SNX29: variants seen among roughly 807,000 people sequenced by gnomAD.
The protein encoded by SNX29 is sorting nexin-29.
Under a neutral mutation model 102.1 loss-of-function variants are expected in SNX29, and 78 were observed. The observed-to-expected ratio is 0.76, with a 90% CI of 0.64 to 0.92. The LOEUF (loss-of-function observed/expected upper bound fraction) is 0.92. Among genes scored for constraint, SNX29 ranks in the 40% least tolerant of loss-of-function variants. The pLI is 0.00. For missense variants in SNX29, 1,280 were observed against 1,061.7 expected (o/e 1.21, Z -2.86); for synonymous variants, 580 against 414.5 (o/e 1.40, Z -4.85).
chr16:12,387,152 G>C (rs2083369441), intron 16 of SNX29, among the ~76,000 whole-genome samples: 1 of 152,000 alleles, frequency 6.6e-6, no homozygotes, highest in South Asian at 2.1e-4. Flanking sequence ...AAAAGAGAGA[G>C]CCACACCTAG....
intron 20 of SNX29, among the ~76,000 whole-genome samples, chr16:12,551,130 T>C (rs1008484078): frequency 6.6e-6 from 1 of 152,076 alleles, no homozygotes; most frequent in Non-Finnish European, 1.5e-5. Flanking sequence ...GGAACAGTGG[T>C]CCACAGCTGC....
At chr16:12,220,133 G>A (rs537495513) in intron 14 of SNX29, among the ~76,000 whole-genome samples, 10 of 152,324 alleles carry the variant, frequency 6.6e-5, no homozygotes, top group Admixed American at 2.0e-4. Context: ...TCGCCACCGC[G>A]CTGTGAGTTG....
intron 15 of SNX29, among the ~76,000 whole-genome samples, chr16:12,286,149 T>G (rs1443177762): frequency 2.1e-5 from 3 of 142,012 alleles, no homozygotes; most frequent in South Asian, 4.4e-4. Flanking sequence ...GTCCTGTTTG[T>G]TTTTTTTTTT....
chr16:12,257,845 C>G (rs1358340488), intron 14 of SNX29, among the ~76,000 whole-genome samples: 1 of 152,122 alleles, frequency 6.6e-6, no homozygotes, highest in African/African-American at 2.4e-5. Context: ...ATAAATGCCA[C>G]CTCTTGGTTG....
At chr16:12,020,134 T>C (rs1253012279) in intron 3 of SNX29, among the ~76,000 whole-genome samples, 2 of 152,086 alleles carry the variant, frequency 1.3e-5, no homozygotes, top group African/African-American at 4.8e-5. Flanking sequence ...AAACTTTTTT[T>C]TTTTTTAAGA....
At chr16:12,556,368 A>G (rs2078349660) in intron 20 of SNX29, 1 of 152,242 alleles carries the variant, frequency 6.6e-6, no homozygotes, top group Non-Finnish European at 1.5e-5. Flanking sequence ...TGAGTATACC[A>G]GTCGTAATTG....
intron 15 of SNX29, among the ~76,000 whole-genome samples, chr16:12,293,303 TGCTGAG>T (rs2079863594): frequency 6.6e-6 from 1 of 152,190 alleles, no homozygotes; most frequent in Non-Finnish European, 1.5e-5. Context: ...CGGTGGTGGA[TGCTGAG>T]GCTCAGAAAG....
chr16:12,276,367 T>A (rs1375261054), intron 14 of SNX29, among the ~76,000 whole-genome samples: 2 of 152,242 alleles, frequency 1.3e-5, no homozygotes. Context: ...TCTTTCTGCG[T>A]GTTTCCTGCT....
rs139943832 is a variant in SNX29, at chr16:12,101,686, A to T, written c.1402+22771A>T. Among the ~76,000 whole-genome samples the T allele has an allele frequency of 5.9e-5, 9 of 151,964 alleles. No individual in the cohort carries two copies. In the East Asian group the frequency reaches 1.7e-3, roughly 29 times the overall value. Reference sequence around the variant, plus strand: ...GGCACGAGTCGCTGTGCCTGGCCTGACCCCCAGTTTTAATCATCTTATGTT... The same window carrying T: ...GGCACGAGTCGCTGTGCCTGGCCTGTCCCCCAGTTTTAATCATCTTATGTT... On this transcript the variant is annotated intron_variant, in intron 11 of 20. Coordinates refer to ENST00000566228, the MANE Select transcript of SNX29 (RefSeq NM_032167.5).
At chr16:12,368,813 G>A (rs2082578838) in intron 16 of SNX29, among the ~76,000 whole-genome samples, 1 of 152,202 alleles carries the variant, frequency 6.6e-6, no homozygotes, top group Non-Finnish European at 1.5e-5. Flanking sequence ...ACAGGCAGCG[G>A]CCACCAGGAT....
chr16:12,243,252 G>C (rs901784860), intron 14 of SNX29, among the ~76,000 whole-genome samples: 1 of 152,258 alleles, frequency 6.6e-6, no homozygotes, highest in African/African-American at 2.4e-5. Flanking sequence ...GCGTATGCCA[G>C]ATACTGGGTT....
intron 11 of SNX29, among the ~76,000 whole-genome samples, chr16:12,110,887 G>C (rs2053476374): frequency 6.6e-6 from 1 of 151,672 alleles, no homozygotes; most frequent in Non-Finnish European, 1.5e-5. Flanking sequence ...GCAGTGGTGC[G>C]ATCATAGCCC....
At chr16:12,219,890 C>T (rs28659903) in intron 14 of SNX29, among the ~76,000 whole-genome samples, 2,440 of 152,262 alleles carry the variant, frequency 0.016, 41 homozygotes, top group African/African-American at 0.044. Context: ...TACATTGATC[C>T]GGGTACCCCT....
At chr16:12,376,337 C>A (rs948556281) in intron 16 of SNX29, among the ~76,000 whole-genome samples, 3 of 152,196 alleles carry the variant, frequency 2.0e-5, no homozygotes, top group African/African-American at 7.2e-5. Context: ...CGAAGTGAGT[C>A]TTACAACCGT....
intron 17 of SNX29, among the ~76,000 whole-genome samples, chr16:12,399,090 G>A (rs755738710): frequency 5.9e-5 from 9 of 152,054 alleles, no homozygotes; most frequent in Non-Finnish European, 1.3e-4. Context: ...AATCTCTGTC[G>A]CCCAGGCTGG....
intron 13 of SNX29, among the ~76,000 whole-genome samples, chr16:12,155,847 T>A (rs1359988838): frequency 6.6e-6 from 1 of 152,188 alleles, no homozygotes; most frequent in Non-Finnish European, 1.5e-5. Context: ...AAGGGTCCCA[T>A]GCTAGAGATG....
intron 20 of SNX29, among the ~76,000 whole-genome samples, chr16:12,551,596 G>A (rs1264811274): frequency 2.0e-5 from 3 of 152,162 alleles, no homozygotes; most frequent in Non-Finnish European, 2.9e-5. Flanking sequence ...AACAAATTCT[G>A]GTGTTACAAT....
Position 12,544,678 on chromosome 16 carries a change from G to C in SNX29, c.2318+19837G>C, listed in dbSNP as rs142491405. On this transcript the variant is annotated intron_variant, in intron 20 of 20. Transcript: ENST00000566228. ...TACTTCTCATGAAGCCTTTGAGAGC[G>C]CTGTCACTCGAATTCTCTTCCTCCA... Among the ~76,000 whole-genome samples, 5 of 152,314 alleles carry C rather than the reference G, an allele frequency of 3.3e-5. No individual in the cohort carries two copies. The East Asian group carries it at 5.8e-4, about 18-fold the overall frequency.
intron 8 of SNX29, among the ~76,000 whole-genome samples, chr16:12,059,482 T>C (rs1355834276): frequency 1.3e-5 from 2 of 152,240 alleles, no homozygotes; most frequent in Non-Finnish European, 2.9e-5. Context: ...AGCCTCATTG[T>C]GGTATGGGCA....
Sources: allele counts gnomAD v4.1 joint callset (sites outside exome capture counted in the v4.1 genomes callset), GRCh38; gene constraint gnomAD v4.1.1; transcripts MANE v1.5; gene names NCBI Gene and HGNC (gene_info 2026-07-23, HGNC 2026-07-21).